Variants in ZNF273 observed in about 807,000 individuals in gnomAD.
ZNF273 encodes zinc finger protein 273, also known as zinc finger protein 9.
In ZNF273, 11 loss-of-function variants were observed where a neutral mutation model predicts 14.9. That is an observed-to-expected ratio of 0.74 (90% CI 0.46 to 1.22). The LOEUF (loss-of-function observed/expected upper bound fraction) is 1.22, where lower values mean the gene tolerates loss of function less well. Ranked by LOEUF, ZNF273 falls within the 50% of genes most tolerant of loss-of-function variation. The probability of loss-of-function intolerance (pLI) is 0.00; values close to 1 mark genes in which losing one functional copy is unlikely to be tolerated. For synonymous variants in ZNF273, 199 were observed against 223.9 expected (o/e 0.89, Z 0.99); for missense variants, 577 against 660.6 (o/e 0.87, Z 1.39).
chr7:64,911,883 T>A (rs188762048), intron 1 of ZNF273, among the ~76,000 whole-genome samples: 2 of 152,332 alleles, frequency 1.3e-5, no homozygotes, highest in East Asian at 3.9e-4. Context: ...ATTTCCCTCT[T>A]AACACTGCCT....
chr7:64,921,167 T>C (rs6460211), intron 3 of ZNF273, among the ~76,000 whole-genome samples: 144,904 of 151,954 alleles, frequency 0.95, 69,494 homozygotes, highest in East Asian at 1. Flanking sequence ...TGGGTTTAAG[T>C]GATTCTCCTG....
At position 64,888,331 on chromosome 7, in the gene ZNF273, C is replaced by T. The variant is rs1413969474; in HGVS notation, n.274-242C>T. The T allele has an allele frequency of 3.0e-6, 3 of 985,224 alleles. No homozygotes were observed. In the African/African-American group the frequency reaches 5.2e-5, roughly 17 times the overall value. The allele number at this position is 985,224 out of a possible 1,614,324, so 61.0% of individuals were successfully genotyped here. On this transcript the variant is annotated intron_variant and non_coding_transcript_variant, in intron 1 of 1. Transcript: ENST00000471926. ...GCCTCGCACAGGCTGCTCAACACCT[C>T]TGAGCTCAAATTCCTGCTCCCAGGG... is the stretch of plus-strand genomic sequence containing the variant.
chr7:64,933,918 A>AT (rs1245088565), downstream of ZNF273, among the ~76,000 whole-genome samples: 1 of 152,082 alleles, frequency 6.6e-6, no homozygotes, highest in Non-Finnish European at 1.5e-5. Context: ...AGCACTTTTC[A>AT]TTTTTTCAGT....
chr7:64,923,900 A>G (rs190353391), intron 3 of ZNF273: 1 of 152,422 alleles, frequency 6.6e-6, no homozygotes, highest in Non-Finnish European at 1.5e-5. Flanking sequence ...CAGAAACTAT[A>G]ATGCTTCCAA....
At position 64,929,491 on chromosome 7, in the gene ZNF273, A is replaced by C. The variant is rs1794925994; in HGVS notation, c.*453A>C. 2 of 152,412 alleles carry C rather than the reference A, an allele frequency of 1.3e-5. No homozygotes were observed. 9.4% of individuals were successfully genotyped at this position (152,412 alleles called of 1,614,324 possible). A position where few individuals can be genotyped will look rare whatever the true frequency, so the allele number is the denominator to read the frequency against. ...CTATGAGTGTAATGAATTTGGAAAA[A>C]TATTTTTTTCAACAACAGCTTAGAA... On this transcript the variant is annotated 3_prime_UTR_variant, in exon 4 of 4. Transcript: ENST00000476120.
chr7:64,933,791 A>G (rs1209429380), downstream of ZNF273, among the ~76,000 whole-genome samples: 2 of 152,180 alleles, frequency 1.3e-5, no homozygotes, highest in African/African-American at 4.8e-5. Context: ...TTTCTGTAAA[A>G]CATGATGTTT....
chr7:64,924,624 T>G (rs924056878), intron 3 of ZNF273, among the ~76,000 whole-genome samples: 1 of 152,176 alleles, frequency 6.6e-6, no homozygotes, highest in African/African-American at 2.4e-5. Flanking sequence ...TTAAAGTACA[T>G]TTTATAAAAT....
chr7:64,880,949 C>T (rs1791234116), downstream of ZNF273, among the ~76,000 whole-genome samples: 1 of 152,154 alleles, frequency 6.6e-6, no homozygotes, highest in African/African-American at 2.4e-5. Flanking sequence ...ATTCCGGGGA[C>T]GGAGAGTGTG....
rs1381866839 is a variant in ZNF273 at position 64,928,492 on chromosome 7, C to G, written c.1164C>G (p.Thr388=). 1 of 1,613,032 alleles carries G rather than the reference C, an allele frequency of 6.2e-7. No individual in the cohort carries two copies. The highest frequency in any genetic ancestry group is 1.7e-5 in the Admixed American group (1 of 59,922). ...ECGKAFNQSS[T]LTRHKIVHTG... ...GCAAAGCTTTTAACCAGTCCTCAACCCTTACTAGACATAAGATAGTTCATA... is the reference window on the plus strand; with the variant it reads ...GCAAAGCTTTTAACCAGTCCTCAACGCTTACTAGACATAAGATAGTTCATA... Residue 388 remains threonine, a synonymous_variant, in exon 4 of 4, where the codon ACC becomes ACG. Transcript: ENST00000476120.
At chr7:64,919,896 T>C (rs1247287315) in intron 3 of ZNF273, among the ~76,000 whole-genome samples, 3 of 152,104 alleles carry the variant, frequency 2.0e-5, no homozygotes, top group African/African-American at 7.2e-5. Context: ...TCAATTTCAA[T>C]GGCTATTTTT....
downstream of ZNF273, chr7:64,889,500 T>G (rs549102800): frequency 2.0e-6 from 2 of 985,898 alleles, no homozygotes; most frequent in East Asian, 1.1e-4. The surrounding 1 kb of genome is among the most constrained non-coding windows in gnomAD (Gnocchi z 4.2). Flanking sequence ...CGGTTTCTTC[T>G]AGGTCGCCCT....
At position 64,912,826 on chromosome 7, in the gene ZNF273, G is replaced by GTTTTGTTTTTTTTTTTTTTTTTTTTTTT. The variant is rs746174998; in HGVS notation, c.103-4751_103-4750insGTTTTTTTTTTTTTTTTTTTTTTTTTTT. ...TCTTTTTGACTCAGGATTCATTTTAGTTTTTTTTTTTTTTTTTTTTGAGAT... is the reference window on the plus strand; with the variant it reads ...TCTTTTTGACTCAGGATTCATTTTAGTTTTGTTTTTTTTTTTTTTTTTTTTTTTTTTTTTTTTTTTTTTTTTTTGAGAT... On this transcript the variant is annotated intron_variant, in intron 1 of 3. Transcript: ENST00000476120. 8.2e-5 allele frequency among the ~76,000 whole-genome samples: 3 copies of GTTTTGTTTTTTTTTTTTTTTTTTTTTTT among 36,568 alleles called. 1 individual carries two copies. Among genetic ancestry groups the GTTTTGTTTTTTTTTTTTTTTTTTTTTTT allele is most frequent in the African/African-American group, 1.6e-4 (2 of 12,202 alleles). 24.0% of individuals were successfully genotyped at this position (36,568 alleles called of 152,430 possible).
intron 1 of ZNF273, among the ~76,000 whole-genome samples, chr7:64,905,419 A>AC (rs1793034919): frequency 1.1e-5 from 1 of 94,696 alleles, no homozygotes; most frequent in African/African-American, 3.7e-5. Context: ...CGCTGGCCAC[A>AC]CTTTTTTTTT....
At chr7:64,885,073 C>A (rs1791498048) in intron 1 of ZNF273, among the ~76,000 whole-genome samples, 1 of 152,218 alleles carries the variant, frequency 6.6e-6, no homozygotes, top group South Asian at 2.1e-4. Flanking sequence ...GTGTATGCCA[C>A]CGTTGCCTGG....
At chr7:64,880,660 C>A (rs1226159500), downstream of ZNF273, among the ~76,000 whole-genome samples, 1 of 151,972 alleles carries the variant, frequency 6.6e-6, no homozygotes, top group Non-Finnish European at 1.5e-5. Flanking sequence ...TTTACTTTTT[C>A]TGTGGTTACT....
chr7:64,913,027 C>T (rs1166340038), intron 1 of ZNF273, among the ~76,000 whole-genome samples: 2 of 151,298 alleles, frequency 1.3e-5, no homozygotes, highest in Non-Finnish European at 2.9e-5. Flanking sequence ...TGAGGTTTCG[C>T]CATGTTGGCC....
At chr7:64,904,980 G>A (rs192099440) in intron 1 of ZNF273, among the ~76,000 whole-genome samples, 1 of 152,142 alleles carries the variant, frequency 6.6e-6, no homozygotes, top group Admixed American at 6.5e-5. Flanking sequence ...CAATCGCTAT[G>A]TCTGCTACAA....
At chr7:64,889,862 C>A, downstream of ZNF273, 1 of 710,454 alleles carries the variant, frequency 1.4e-6, no homozygotes, top group Admixed American at 6.3e-5. This position sits in a 1 kb window ranked among gnomAD's most constrained non-coding sequence, Gnocchi z 4.2. Flanking sequence ...TCGCCTGCTG[C>A]CTCTATGTCG....
Position 64,903,367 on chromosome 7 carries a change from G to C in ZNF273, c.50G>C (p.Gly17Ala), listed in dbSNP as rs1792863748. The C allele has an allele frequency of 1.2e-6, 2 of 1,613,622 alleles. No homozygotes were observed. Among genetic ancestry groups the C allele is most frequent in the Non-Finnish European group, 1.7e-6 (2 of 1,179,676 alleles). The change falls in exon 1 of 4, where the codon GGT (glycine) becomes GCT (alanine). Residue 17 changes from glycine to alanine, a missense_variant. By Grantham distance (60) the Gly-to-Ala change is moderately conservative. This residue lies in a region of ZNF273 where 162 missense variants were observed against 203.5 expected (regional missense o/e 0.80). Transcript: ENST00000476120. ...GPPSVAPLPAGIGRSTAKTPG... is the reference protein window; with the variant it reads ...GPPSVAPLPAAIGRSTAKTPG... ...CCTTCTGTGGCCCCGTTACCTGCAG[G>C]TATTGGGAGATCCACAGCTAAGACG...
Sources: allele counts gnomAD v4.1 joint callset (sites outside exome capture counted in the v4.1 genomes callset), GRCh38; gene constraint gnomAD v4.1.1; regional missense constraint gnomAD v4.1.1; non-coding constraint Gnocchi (gnomAD v3.1); transcripts MANE v1.5; gene names NCBI Gene and HGNC (gene_info 2026-07-23, HGNC 2026-07-21).